Variants in ANKZF1 observed in about 807,000 individuals in gnomAD.
ANKZF1 encodes ankyrin repeat and zinc finger peptidyl tRNA hydrolase 1, also known as tRNA endonuclease ANKZF1.
ANKZF1 carries 84 observed loss-of-function variants against 86.0 expected under a neutral mutation model. The observed-to-expected ratio is 0.98, with a 90% CI of 0.82 to 1.17. The LOEUF is 1.17. Ranked by LOEUF, ANKZF1 falls within the 50% of genes most tolerant of loss-of-function variation. The pLI is 0.00. For missense variants in ANKZF1, 893 were observed against 918.4 expected, an observed-to-expected ratio of 0.97 and a Z score of 0.36; for synonymous variants, 331 against 354.2, an observed-to-expected ratio of 0.93 and a Z score of 0.74.
At position 219,229,901 on chromosome 2, in the gene ANKZF1, G is replaced by C. The variant is rs1297550410; in HGVS notation, c.-31+1G>C. The C allele has an allele frequency of 5.0e-6, 1 of 199,636 alleles. No homozygotes were observed. Among genetic ancestry groups the C allele is most frequent in the African/African-American group, 2.3e-5 (1 of 42,736 alleles). The allele number at this position is 199,636 out of a possible 1,614,324, so 12.4% of individuals were successfully genotyped here. A position where few individuals can be genotyped will look rare whatever the true frequency, so the allele number is the denominator to read the frequency against. On this transcript the variant is annotated splice_donor_variant, in intron 1 of 13. Coordinates refer to ENST00000323348, the MANE Select transcript of ANKZF1 (RefSeq NM_018089.3). LOFTEE classifies it low-confidence loss of function (5UTR_SPLICE). This position sits in a 1 kb window ranked among gnomAD's most constrained non-coding sequence, Gnocchi z 4.2. The stretch of plus-strand genomic sequence containing the variant: ...AGCCGCTCAGCTCCCGGGACGTTTG[G>C]TGCGTCTTCTAAGGGCGTGGGCGAG...
intron 6 of ANKZF1, 22 bp downstream of exon 6, chr2:219,233,213 G>T (rs760074099): frequency 1.7e-5 from 28 of 1,614,106 alleles, no homozygotes; most frequent in Admixed American, 8.3e-5. Context: ...CTGCATGGGG[G>T]TAAGGATGGA....
Position 219,235,461 on chromosome 2 carries a change from T to G in ANKZF1, c.1692-13T>G. 1 of 1,611,698 alleles carries G rather than the reference T, an allele frequency of 6.2e-7. No individual in the cohort carries two copies. Among genetic ancestry groups the G allele is most frequent in the Non-Finnish European group, 8.5e-7 (1 of 1,178,660 alleles). ...AGGCAAGTTAAACCCATTTTTGGAGTTTTTGCACCTAGGGACTCTCGGGCC... is the reference window on the plus strand; with the variant it reads ...AGGCAAGTTAAACCCATTTTTGGAGGTTTTGCACCTAGGGACTCTCGGGCC... On this transcript the variant is annotated splice_polypyrimidine_tract_variant and intron_variant, in intron 10 of 13. Coordinates refer to ENST00000323348, the MANE Select transcript of ANKZF1 (RefSeq NM_018089.3).
intron 5 of ANKZF1, 185 bp from the exon 6 acceptor site, chr2:219,232,894 T>C: frequency 1.2e-6 from 1 of 822,002 alleles, no homozygotes; most frequent in Admixed American, 2.7e-5. Context: ...CAATTTAGGT[T>C]TGAATTGTGA....
rs527515384 is a variant in ANKZF1 at position 219,232,688 on chromosome 2, G to A, written c.558+5G>A. On this transcript the variant is annotated splice_donor_5th_base_variant and intron_variant, in intron 5 of 13. Transcript: ENST00000323348. ...TGTGTCCTAGGCCCTCATCAGGCAAGTGACAGTACAGGTTGCATGGCTAAC... is the reference window on the plus strand; with the variant it reads ...TGTGTCCTAGGCCCTCATCAGGCAAATGACAGTACAGGTTGCATGGCTAAC... 1.2e-5 allele frequency: 20 copies of A among 1,613,218 alleles called. No individual in the cohort carries two copies. The African/African-American group carries it at 2.5e-4, about 20-fold the overall frequency.
chr2:219,232,878 A>G, intron 5 of ANKZF1, 195 bp downstream of exon 5: 1 of 832,128 alleles, frequency 1.2e-6, no homozygotes, highest in Non-Finnish European at 1.8e-6. Context: ...AAGTTTGGAA[A>G]CAAACCAATT....
chr2:219,236,533 G>A lies in ANKZF1; in HGVS notation c.*88G>A. On this transcript the variant is annotated 3_prime_UTR_variant, in exon 14 of 14. Coordinates refer to ENST00000323348, the MANE Select transcript of ANKZF1 (RefSeq NM_018089.3). Reference sequence around the variant, plus strand: ...AGGTTTTTTCTTCCCCGTGAAACCAGAGATGATTTGGAAGATGGGGGTGAA... The same window carrying A: ...AGGTTTTTTCTTCCCCGTGAAACCAAAGATGATTTGGAAGATGGGGGTGAA... 7 of 1,484,816 alleles carry A rather than the reference G, an allele frequency of 4.7e-6. No individual in the cohort carries two copies. Among genetic ancestry groups the A allele is most frequent in the Non-Finnish European group, 5.4e-6 (6 of 1,114,260 alleles). The allele number at this position is 1,484,816 out of a possible 1,614,324, so 92.0% of individuals were successfully genotyped here.
rs138302651 is a variant in ANKZF1 at position 219,233,793 on chromosome 2, C to T, written c.898C>T (p.Arg300Cys). 7.4e-6 allele frequency: 12 copies of T among 1,614,018 alleles called. No homozygotes were observed. Among genetic ancestry groups the T allele is most frequent in the African/African-American group, 2.7e-5 (2 of 74,946 alleles). ...EAGTILLRAP[R>C]SGRSLFFGGK... ...TGGTACAATACTGTTGCGTGCTCCC[C>T]GCTCTGGCCGGTCTTTGTTCTTTGG... The change falls in exon 8 of 14, where the codon CGC becomes TGC. Residue 300 changes from arginine to cysteine, a missense_variant. Arg to Cys is a radical substitution (Grantham distance 180, BLOSUM62 -3). Transcript: ENST00000323348.
intron 5 of ANKZF1, 148 bp from the exon 6 acceptor site, chr2:219,232,931 G>T: frequency 3.3e-6 from 3 of 901,152 alleles, no homozygotes; most frequent in Non-Finnish European, 5.2e-6. Flanking sequence ...TGACTGCCTC[G>T]CCAAGCCTCA....
chr2:219,236,188 G>C lies in ANKZF1; in HGVS notation c.2057+93G>C, dbSNP rs1951223658. 6 of 1,599,404 alleles carry C rather than the reference G, an allele frequency of 3.8e-6. No homozygotes were observed. In the South Asian group the frequency reaches 6.6e-5, roughly 18 times the overall value. ...TGAGTACCTGCACAGTATTCAGAAGGGTGGTTGAGGGAATTTGGGATGTTC... is the reference window on the plus strand; with the variant it reads ...TGAGTACCTGCACAGTATTCAGAAGCGTGGTTGAGGGAATTTGGGATGTTC... On this transcript the variant is annotated intron_variant, in intron 13 of 13. Transcript: ENST00000323348.
Position 219,232,636 on chromosome 2 carries a change from C to T in ANKZF1, c.511C>T (p.Gln171Ter). ...TCATCGAGTTCTTTTCCAGAATGCC[C>T]AGGGCCAGTTTCTTTATGCCTACCG... ...YPHRVLFQNA[Q>*]GQFLYAYRCV... The change falls in exon 5 of 14, where the codon CAG becomes TAG. Residue 171 changes from glutamine (Q) to a stop codon, truncating the protein, a stop_gained. Coordinates refer to ENST00000323348, the MANE Select transcript of ANKZF1 (RefSeq NM_018089.3). LOFTEE classifies it high-confidence loss of function. The T allele has an allele frequency of 6.2e-7, 1 of 1,614,170 alleles. No homozygotes were observed. The highest frequency in any genetic ancestry group is 8.5e-7 in the Non-Finnish European group (1 of 1,180,028).
At chr2:219,234,471 G>A (rs1951143381) in intron 9 of ANKZF1, 183 bp downstream of exon 9, 3 of 814,904 alleles carry the variant, frequency 3.7e-6, no homozygotes, top group Admixed American at 4.8e-5. Context: ...TGTTATGGAT[G>A]TTTCCCCAGA....
At chr2:219,230,432 G>A (rs1313491703) in intron 2 of ANKZF1, 27 bp downstream of exon 2, 1 of 1,587,930 alleles carries the variant, frequency 6.3e-7, no homozygotes, top group Non-Finnish European at 8.6e-7. Context: ...CGTGTGAAAC[G>A]TGACAGGGCT....
At chr2:219,232,971 C>A in intron 5 of ANKZF1, 108 bp from the exon 6 acceptor site, 2 of 1,098,484 alleles carry the variant, frequency 1.8e-6, no homozygotes, top group South Asian at 1.4e-5. Context: ...TGGAAACAAG[C>A]CTCAGGGTGG....
rs749857095 is a variant in ANKZF1 at position 219,233,114 on chromosome 2, C to T, written c.594C>T (p.Asn198=). 6.2e-7 allele frequency: 1 copy of T among 1,614,152 alleles called. No homozygotes were observed. The highest frequency in any genetic ancestry group is 8.5e-7 in the Non-Finnish European group (1 of 1,180,034). Residue 198 remains asparagine, a synonymous_variant, in exon 6 of 14, where the codon AAC becomes AAT. Coordinates refer to ENST00000323348, the MANE Select transcript of ANKZF1 (RefSeq NM_018089.3). ...AAGAGGCAGAACTGCTGCTACAGAA[C>T]CTGCAAAGTAGAGGTCCCAGAGACT... ...PPEEAELLLQ[N]LQSRGPRDCV... is the part of the protein sequence containing the mutation.
In ANKZF1 at chr2:219,234,965, A is replaced by G; in HGVS notation, c.1344A>G (p.Arg448=). The change falls in exon 10 of 14, where the codon CGA becomes CGG. Residue 448 remains arginine, a synonymous_variant. Transcript: ENST00000323348. ...AAAGGAATAAGAAGGAGAAAAGCCG[A>G]GACCAGGAGGCTGGGGCACATCGGA... is the stretch of plus-strand genomic sequence containing the variant. ...RRKRNKKEKS[R]DQEAGAHRTL... is the part of the protein sequence containing the mutation. 1 of 1,614,268 alleles carries G rather than the reference A, an allele frequency of 6.2e-7. No individual in the cohort carries two copies. Among genetic ancestry groups the G allele is most frequent in the Non-Finnish European group, 8.5e-7 (1 of 1,180,052 alleles).
chr2:219,234,353 C>T (rs1951140306), intron 9 of ANKZF1, 65 bp downstream of exon 9: 1 of 1,602,322 alleles, frequency 6.2e-7, no homozygotes, highest in Non-Finnish European at 8.6e-7. Flanking sequence ...TGGCAAATTC[C>T]CTACTCTCAT....
rs755632549 is a variant in ANKZF1, at chr2:219,235,199, G to T, written c.1578G>T (p.Leu526=). The part of the protein sequence containing the change: ...PSPADPRVLS[L]LSAPLGSGGF... ...CTGCAGACCCTAGAGTTCTGTCTCT[G>T]CTCAGTGCCCCCTTGGGCTCCGGTG... Residue 526 remains leucine (L), a synonymous_variant, in exon 10 of 14, where the codon CTG becomes CTT. Transcript: ENST00000323348. 6.2e-7 allele frequency: 1 copy of T among 1,614,030 alleles called. No homozygotes were observed. Among genetic ancestry groups the T allele is most frequent in the Non-Finnish European group, 8.5e-7 (1 of 1,180,030 alleles).
chr2:219,231,913 T>C lies in ANKZF1; in HGVS notation c.149-15T>C. The C allele has an allele frequency of 1.2e-6, 2 of 1,608,650 alleles. No homozygotes were observed. Among genetic ancestry groups the C allele is most frequent in the Non-Finnish European group, 1.7e-6 (2 of 1,175,080 alleles). On this transcript the variant is annotated splice_polypyrimidine_tract_variant and intron_variant, in intron 2 of 13. Coordinates refer to ENST00000323348, the MANE Select transcript of ANKZF1 (RefSeq NM_018089.3). ...GGGCTCCCTTTCTATGTCCAATTCC[T>C]CTTCCCTTATTTAGGCTCAGGGGAG...
chr2:219,233,511 G>A (rs544687983), intron 7 of ANKZF1, 78 bp downstream of exon 7: 3 of 1,483,460 alleles, frequency 2.0e-6, no homozygotes, highest in African/African-American at 2.8e-5. Context: ...GTTAAGTAGG[G>A]AGGTTTTTGA....
Sources: gnomAD v4.1 joint callset for allele counts on GRCh38, gnomAD v4.1.1 for gene constraint, Gnocchi (gnomAD v3.1) non-coding constraint, MANE v1.5 for transcripts, NCBI Gene and HGNC (gene_info 2026-07-23, HGNC 2026-07-21) for gene names.